NUFIP1: variants seen among roughly 807,000 people sequenced by gnomAD.
NUFIP1 encodes FMR1-interacting protein NUFIP1.
Under a neutral mutation model 56.2 loss-of-function variants are expected in NUFIP1, and 38 were observed. The observed-to-expected ratio is 0.68, with a 90% CI of 0.52 to 0.89. The LOEUF (loss-of-function observed/expected upper bound fraction) is 0.89, where lower values mean the gene tolerates loss of function less well. Ranked by LOEUF, NUFIP1 falls within the 40% of genes least tolerant of loss-of-function variation. NUFIP1 has a pLI of 0.00. For missense variants in NUFIP1, 567 were observed against 605.8 expected (o/e 0.94, Z 0.67); for synonymous variants, 215 against 212.4 (o/e 1.01, Z -0.10).
intron 5 of NUFIP1, among the ~76,000 whole-genome samples, chr13:44,967,458 A>G (rs1566061184): frequency 6.6e-6 from 1 of 152,114 alleles, no homozygotes; most frequent in Non-Finnish European, 1.5e-5. Context: ...CAGTGAGCTG[A>G]GATCACGCCA....
chr13:44,968,961 A>AT (rs529675536), intron 5 of NUFIP1, among the ~76,000 whole-genome samples: 4 of 152,156 alleles, frequency 2.6e-5, no homozygotes, highest in Admixed American at 6.5e-5. Context: ...AAAACAGCTA[A>AT]TTTTCTCTTT....
At chr13:44,973,123 T>A (rs1871860540) in intron 5 of NUFIP1, among the ~76,000 whole-genome samples, 1 of 152,192 alleles carries the variant, frequency 6.6e-6, no homozygotes, top group Admixed American at 6.5e-5. Context: ...AAAGTTTCTC[T>A]AGCCAGTGGA....
At chr13:44,966,559 C>T (rs1451746406) in intron 5 of NUFIP1, among the ~76,000 whole-genome samples, 1 of 152,062 alleles carries the variant, frequency 6.6e-6, no homozygotes, top group African/African-American at 2.4e-5. Context: ...AGGTGACCCA[C>T]CTGCCTCAGC....
chr13:44,964,513 C>T (rs753501463), intron 6 of NUFIP1, among the ~76,000 whole-genome samples: 39 of 152,250 alleles, frequency 2.6e-4, no homozygotes, highest in Non-Finnish European at 4.7e-4. Context: ...AAGAGGAATC[C>T]AGATGGGACC....
chr13:44,986,663 G>C (rs1310614511), intron 1 of NUFIP1, among the ~76,000 whole-genome samples: 1 of 146,942 alleles, frequency 6.8e-6, no homozygotes, highest in Non-Finnish European at 1.5e-5. Flanking sequence ...CTGCACTCCA[G>C]CCTGGGCAAC....
intron 5 of NUFIP1, among the ~76,000 whole-genome samples, chr13:44,974,614 T>C (rs1871907660): frequency 6.6e-6 from 1 of 152,174 alleles, no homozygotes; most frequent in Admixed American, 6.5e-5. Context: ...CGCAGTGGCG[T>C]AATCACAGCC....
intron 5 of NUFIP1, among the ~76,000 whole-genome samples, chr13:44,971,656 T>C (rs1425412021): frequency 6.6e-6 from 1 of 152,192 alleles, no homozygotes. Flanking sequence ...AGCCCACTTC[T>C]AGCCAATGAG....
At chr13:44,982,331 C>A (rs569253947) in intron 1 of NUFIP1, among the ~76,000 whole-genome samples, 177 bp from the exon 2 acceptor site, 1 of 152,106 alleles carries the variant, frequency 6.6e-6, no homozygotes, top group Non-Finnish European at 1.5e-5. Flanking sequence ...TACCAAATGA[C>A]TATTTTTCAA....
rs1473931103 is a variant in NUFIP1, at chr13:44,939,327, G to T, written c.*1879C>A. The T allele has an allele frequency of 1.3e-5, 2 of 152,094 alleles. No homozygotes were observed. The highest frequency in any genetic ancestry group is 6.6e-5 in the Admixed American group (1 of 15,266). 9.4% of individuals were successfully genotyped at this position (152,094 alleles called of 1,614,324 possible). A position where few individuals can be genotyped will look rare whatever the true frequency, so the allele number is the denominator to read the frequency against. ...AGAGCTGGTTTGATTAAGGAAAATA[G>T]AAGTCAATTATAGAGGATATGAGAA... On this transcript the variant is annotated 3_prime_UTR_variant, in exon 10 of 10. Transcript: ENST00000379161.
intron 7 of NUFIP1, among the ~76,000 whole-genome samples, chr13:44,955,637 C>T (rs958367038): frequency 3.3e-5 from 5 of 152,188 alleles, no homozygotes; most frequent in Non-Finnish European, 7.3e-5. Flanking sequence ...ACTTGAATAA[C>T]CAGATTTTAA....
Position 44,979,956 on chromosome 13 carries a change from T to C in NUFIP1, c.595-4A>G. 1 of 1,593,662 alleles carries C rather than the reference T, an allele frequency of 6.3e-7. No homozygotes were observed. Among genetic ancestry groups the C allele is most frequent in the Non-Finnish European group, 8.5e-7 (1 of 1,172,950 alleles). On this transcript the variant is annotated splice_region_variant and splice_polypyrimidine_tract_variant and intron_variant, in intron 3 of 9. Coordinates refer to ENST00000379161, the MANE Select transcript of NUFIP1 (RefSeq NM_012345.3). ...AAGAGCAATCTAATTCAGGGCACTA[T>C]GAGTTTTTAAAAGAAAAAAAAAACT...
intron 7 of NUFIP1, among the ~76,000 whole-genome samples, chr13:44,954,389 A>C (rs1174209487): frequency 6.6e-6 from 1 of 152,160 alleles, no homozygotes; most frequent in South Asian, 2.1e-4. Flanking sequence ...AATTATTCTT[A>C]GACTATGAGT....
chr13:44,968,299 G>A (rs1238069288), intron 5 of NUFIP1, among the ~76,000 whole-genome samples: 1 of 151,848 alleles, frequency 6.6e-6, no homozygotes, highest in Non-Finnish European at 1.5e-5. Flanking sequence ...GTAGACTCTG[G>A]CACTTGTACG....
Position 44,986,005 on chromosome 13 carries a change from G to C in NUFIP1, c.412+3020C>G, listed in dbSNP as rs377628658. On this transcript the variant is annotated intron_variant, in intron 1 of 9. Transcript: ENST00000379161. ...AAGGGTCTCACTGTCAGCCAGGCTG[G>C]AATATAAAGGTGCAGTCATAGCTCA... 6.5e-4 allele frequency among the ~76,000 whole-genome samples: 99 copies of C among 152,316 alleles called. 2 individuals carry two copies. The East Asian group carries it at 0.015, about 23-fold the overall frequency.
At chr13:44,944,132 A>C (rs1311827854) in intron 8 of NUFIP1, among the ~76,000 whole-genome samples, 2 of 152,232 alleles carry the variant, frequency 1.3e-5, no homozygotes, top group African/African-American at 4.8e-5. Flanking sequence ...ATATGTAAGT[A>C]GTATACACTG....
intron 7 of NUFIP1, 27 bp downstream of exon 7, chr13:44,959,354 A>C (rs747494490): frequency 2.5e-6 from 4 of 1,601,380 alleles, no homozygotes; most frequent in Non-Finnish European, 3.4e-6. Context: ...TACACTTATA[A>C]ATACGTTATT....
chr13:44,967,592 G>A (rs887650003), intron 5 of NUFIP1, among the ~76,000 whole-genome samples: 1 of 152,132 alleles, frequency 6.6e-6, no homozygotes, highest in Non-Finnish European at 1.5e-5. Context: ...CAATCAGACT[G>A]GAAAGGGAGA....
At chr13:44,980,845 T>G (rs1387611919) in intron 2 of NUFIP1, 25 bp from the exon 3 acceptor site, 2 of 1,472,576 alleles carry the variant, frequency 1.4e-6, no homozygotes, top group Non-Finnish European at 1.9e-6. Flanking sequence ...AGAGAGGAAT[T>G]AGGCTTTTGG....
At chr13:44,965,809 C>A (rs781148180) in intron 6 of NUFIP1, 35 bp downstream of exon 6, 2 of 1,279,288 alleles carry the variant, frequency 1.6e-6, no homozygotes, top group Admixed American at 4.6e-5. Context: ...TTGTTTTGTG[C>A]TCCTTTTCAT....
Sources: gnomAD v4.1 joint callset for allele counts (sites outside exome capture counted in the v4.1 genomes callset) on GRCh38, gnomAD v4.1.1 for gene constraint, MANE v1.5 for transcripts, NCBI Gene and HGNC (gene_info 2026-07-23, HGNC 2026-07-21) for gene names.